The following CIMAP2 variants were observed in gnomAD, a reference collection of about 807,000 sequenced individuals.
CIMAP2 encodes the protein ciliary microtubule-associated protein 2.
chr1:54,823,179 C>T, the CIMAP2 span, among the ~76,000 whole-genome samples: 23,558 of 152,044 alleles, frequency 0.15, 2,198 homozygotes, highest in African/African-American at 0.25. Context: ...TTGTCTACAA[C>T]TATTATTGTA....
At chr1:54,806,513 G>C in the CIMAP2 span, among the ~76,000 whole-genome samples, 1 of 152,144 alleles carries the variant, frequency 6.6e-6, no homozygotes, top group South Asian at 2.1e-4. Context: ...ACATGGCCTG[G>C]TCCATAGTAG....
chr1:54,815,355 G>A, the CIMAP2 span, among the ~76,000 whole-genome samples: 2 of 152,224 alleles, frequency 1.3e-5, no homozygotes, highest in African/African-American at 2.4e-5. Flanking sequence ...AGGTGATGGC[G>A]ATGATGCTAT....
At chr1:54,806,412 G>A in the CIMAP2 span, among the ~76,000 whole-genome samples, 4 of 152,194 alleles carry the variant, frequency 2.6e-5, no homozygotes, top group Non-Finnish European at 4.4e-5. Context: ...CTTGCTTAGT[G>A]CTCTTCCCTG....
chr1:54,827,019 G>A, the CIMAP2 span, among the ~76,000 whole-genome samples: 1 of 152,252 alleles, frequency 6.6e-6, no homozygotes, highest in African/African-American at 2.4e-5. Flanking sequence ...ATAAATGCAT[G>A]TATTCATCTG....
the CIMAP2 span, among the ~76,000 whole-genome samples, chr1:54,824,301 T>C: frequency 6.6e-6 from 1 of 152,362 alleles, no homozygotes; most frequent in East Asian, 1.9e-4. Flanking sequence ...GTGCTGCGAT[T>C]ACAGGTGTGA....
At chr1:54,813,428 G>A in the CIMAP2 span, among the ~76,000 whole-genome samples, 27 of 152,186 alleles carry the variant, frequency 1.8e-4, no homozygotes, top group South Asian at 2.1e-4. Flanking sequence ...TTTCACTGCC[G>A]TCCAAATCCT....
the CIMAP2 span, chr1:54,813,953 T>A: frequency 6.2e-7 from 1 of 1,608,912 alleles, no homozygotes; most frequent in Non-Finnish European, 8.5e-7. Flanking sequence ...TGGGCCAACC[T>A]CAGCCAGTGC....
At chr1:54,813,679 TCCGGC>T in the CIMAP2 span, 17 of 488 alleles carry the variant, frequency 0.035, 1 homozygote, top group Middle Eastern at 0.25. Flanking sequence ...TGGCCCGGCC[TCCGGC>T]CTCCGGGATG....
At chr1:54,816,841 G>A in the CIMAP2 span, 6 of 1,031,660 alleles carry the variant, frequency 5.8e-6, no homozygotes, top group Middle Eastern at 3.0e-4. Flanking sequence ...GGGGTTGCTC[G>A]GGGTTGGGAC....
chr1:54,829,972 C>T, the CIMAP2 span, among the ~76,000 whole-genome samples: 1 of 151,940 alleles, frequency 6.6e-6, no homozygotes, highest in Non-Finnish European at 1.5e-5. Flanking sequence ...GCTCTGCATA[C>T]CTGTCCAGCT....
chr1:54,822,690 G>A, the CIMAP2 span, among the ~76,000 whole-genome samples: 56 of 152,064 alleles, frequency 3.7e-4, no homozygotes, highest in Non-Finnish European at 6.6e-4. Flanking sequence ...ATTTTTAGTA[G>A]AGACAGGATT....
chr1:54,813,664 G>T, the CIMAP2 span: 2 of 850,080 alleles, frequency 2.4e-6, no homozygotes, highest in Non-Finnish European at 1.6e-6. Context: ...GGGGGGCCTT[G>T]AGGCTGGCCC....
At chr1:54,824,714 C>A in the CIMAP2 span, among the ~76,000 whole-genome samples, 1 of 151,948 alleles carries the variant, frequency 6.6e-6, no homozygotes, top group Non-Finnish European at 1.5e-5. Flanking sequence ...TTGTTCAGTT[C>A]TAGGATTTCT....
At chr1:54,807,130 T>C in the CIMAP2 span, 1 of 1,549,298 alleles carries the variant, frequency 6.5e-7, no homozygotes, top group Non-Finnish European at 8.9e-7. Context: ...GTCTGGCCAC[T>C]GCCCCTTCGA....
chr1:54,823,683 T>G, the CIMAP2 span, among the ~76,000 whole-genome samples: 2 of 152,224 alleles, frequency 1.3e-5, no homozygotes, highest in African/African-American at 4.8e-5. Flanking sequence ...TTTGGTGGGT[T>G]TTTGTAGGGA....
chr1:54,819,802 TTC>T, the CIMAP2 span, among the ~76,000 whole-genome samples: 3 of 135,544 alleles, frequency 2.2e-5, 1 homozygote, highest in South Asian at 5.1e-4. Flanking sequence ...TTCTCTTTTC[TTC>T]TTTTTCTTTT....
the CIMAP2 span, chr1:54,811,767 C>CGGGCGGG: frequency 9.2e-7 from 1 of 1,088,170 alleles, no homozygotes. Context: ...TTCTGACAGC[C>CGGGCGGG]TCCATGCCCC....
chr1:54,820,086 C>CTT, the CIMAP2 span, among the ~76,000 whole-genome samples: 5 of 60,114 alleles, frequency 8.3e-5, no homozygotes, highest in East Asian at 3.3e-4. Context: ...CCTTCCTTCC[C>CTT]TCCTTCTTTC....
chr1:54,831,003 T>C, the CIMAP2 span, among the ~76,000 whole-genome samples: 3 of 152,200 alleles, frequency 2.0e-5, no homozygotes, highest in African/African-American at 7.2e-5. Context: ...GAGGTTAATA[T>C]ACCCATTCAA....
Sources: allele counts gnomAD v4.1 joint callset (sites outside exome capture counted in the v4.1 genomes callset), GRCh38; gene constraint gnomAD v4.1.1; transcripts MANE v1.5; gene names NCBI Gene and HGNC (gene_info 2026-07-23, HGNC 2026-07-21).